Variants in SIAE observed in about 807,000 individuals in gnomAD.
The protein encoded by SIAE is sialic acid acetylesterase, also known as sialate O-acetylesterase.
A neutral mutation model predicts 52.6 loss-of-function variants in SIAE; 39 were observed. The ratio of observed to expected loss-of-function variants is 0.74; its 90% CI spans 0.57 to 0.97. SIAE has a LOEUF of 0.97. SIAE is among the 50% of genes least tolerant of loss of function. The pLI, the probability that SIAE is intolerant of heterozygous loss-of-function variation, is 0.00. For missense variants in SIAE, 592 were observed against 662.1 expected (o/e 0.89, Z 1.16); for synonymous variants, 233 against 241.4 (o/e 0.97, Z 0.32).
rs1290919267 is a variant in SIAE at position 124,654,839 on chromosome 11, T to C, written c.406-46A>G. 3.1e-6 allele frequency: 5 copies of C among 1,609,686 alleles called. No individual in the cohort carries two copies. The Admixed American group carries it at 6.7e-5, about 21-fold the overall frequency. On this transcript the variant is annotated intron_variant, in intron 3 of 9. Transcript: ENST00000263593. ...TCATTTAACCTAGCAGGTGGTGAACTAGCCTGACACCTCTTAGTAAACATC... is the reference window on the plus strand; with the variant it reads ...TCATTTAACCTAGCAGGTGGTGAACCAGCCTGACACCTCTTAGTAAACATC...
chr11:124,636,926 C>CTAAG lies in SIAE; in HGVS notation c.*21_*24dup, dbSNP rs756901697. On this transcript the variant is annotated 3_prime_UTR_variant, in exon 10 of 10. Transcript: ENST00000263593. ...AAATCTGAAGGACCCATCCTTATAT[C>CTAAG]TAAGTTCTGATCATACTGAAACAGT... 3.7e-6 allele frequency: 6 copies of CTAAG among 1,614,000 alleles called. No homozygotes were observed. The Admixed American group carries it at 6.7e-5, about 18-fold the overall frequency.
At chr11:124,674,993 A>C (rs1943441033), upstream of SIAE, 7 of 265,150 alleles carry the variant, frequency 2.6e-5, no homozygotes, top group Admixed American at 3.6e-4. Flanking sequence ...TCATATTGAA[A>C]ATTATGGGTT....
chr11:124,661,554 C>A (rs374043698), intron 2 of SIAE, among the ~76,000 whole-genome samples: 100 of 152,182 alleles, frequency 6.6e-4, no homozygotes, highest in African/African-American at 2.3e-3. Context: ...CTAGAACCAC[C>A]CCATCACCCT....
chr11:124,653,993 A>G (rs1943056718), intron 4 of SIAE, among the ~76,000 whole-genome samples: 1 of 152,124 alleles, frequency 6.6e-6, no homozygotes. Flanking sequence ...CCTGGCCAAT[A>G]TGGTGAAACC....
intron 3 of SIAE, among the ~76,000 whole-genome samples, chr11:124,656,257 T>C (rs1361279301): frequency 6.6e-6 from 1 of 152,238 alleles, no homozygotes; most frequent in African/African-American, 2.4e-5. Flanking sequence ...ATTGCCACTT[T>C]TAATTTTTAT....
Position 124,669,455 on chromosome 11 carries a change from G to A in SIAE, c.134C>T (p.Ala45Val). ...AGGTGTACCGAAGCCCCATATCACT[G>A]CCCCAGCAGGCTCCTTCTGCAGCAC... is the stretch of plus-strand genomic sequence containing the variant. The part of the protein sequence containing the change: ...DMVLQKEPAG[A>V]VIWGFGTPGA... The change falls in exon 2 of 10, where the codon GCA becomes GTA. Residue 45 changes from alanine to valine, a missense_variant. Ala to Val is a moderately conservative substitution (Grantham distance 64). Transcript: ENST00000263593. The A allele has an allele frequency of 1.2e-6, 2 of 1,614,092 alleles. No individual in the cohort carries two copies. Among genetic ancestry groups the A allele is most frequent in the Non-Finnish European group, 1.7e-6 (2 of 1,179,998 alleles).
intron 3 of SIAE, among the ~76,000 whole-genome samples, chr11:124,658,680 G>A (rs1181716770): frequency 6.6e-6 from 1 of 152,088 alleles, no homozygotes; most frequent in Non-Finnish European, 1.5e-5. Flanking sequence ...AACAAGATGG[G>A]CACACAATCT....
In SIAE at chr11:124,633,135, C is replaced by CG. The variant is rs1942649096; in HGVS notation, c.*3815_*3816insC. On this transcript the variant is annotated 3_prime_UTR_variant, in exon 10 of 10. Transcript: ENST00000263593. Reference sequence around the variant, plus strand: ...CAAGGGGATCTTTAACCTCTTTAACCTTTGTATTGCACCTCAGATAATGTG... The same window carrying CG: ...CAAGGGGATCTTTAACCTCTTTAACCGTTTGTATTGCACCTCAGATAATGTG... 1 of 152,024 alleles carries CG rather than the reference C, an allele frequency of 6.6e-6. No individual in the cohort carries two copies. The allele number at this position is 152,024 out of a possible 1,614,324, so 9.4% of individuals were successfully genotyped here. A position where few individuals can be genotyped will look rare whatever the true frequency, so the allele number is the denominator to read the frequency against.
Position 124,639,695 on chromosome 11 carries a change from A to C in SIAE, c.1124+15T>G. 6 of 1,614,000 alleles carry C rather than the reference A, an allele frequency of 3.7e-6. No homozygotes were observed. The highest frequency in any genetic ancestry group is 5.1e-6 in the Non-Finnish European group (6 of 1,179,878). On this transcript the variant is annotated intron_variant, in intron 8 of 9. Coordinates refer to ENST00000263593, the MANE Select transcript of SIAE (RefSeq NM_170601.5). ...AACATACACTGTTCATGCAAAGCCC[A>C]AGAAGCAATCATACCTGCCAAAAGG...
intron 2 of SIAE, among the ~76,000 whole-genome samples, chr11:124,668,699 C>T (rs1407619133): frequency 6.6e-6 from 1 of 152,102 alleles, no homozygotes; most frequent in Non-Finnish European, 1.5e-5. Flanking sequence ...ATTATTCAGC[C>T]GTATAAATGA....
intron 1 of SIAE, among the ~76,000 whole-genome samples, chr11:124,671,867 T>C (rs1185913849): frequency 6.6e-6 from 1 of 151,858 alleles, no homozygotes; most frequent in Non-Finnish European, 1.5e-5. Context: ...GTTCAAGCGG[T>C]TCTCCTGCCT....
rs1402125179 is a variant in SIAE at position 124,645,076 on chromosome 11, G to A, written c.966+2289C>T. Among the ~76,000 whole-genome samples, 1 of 152,058 alleles carries A rather than the reference G, an allele frequency of 6.6e-6. No homozygotes were observed. Among genetic ancestry groups the A allele is most frequent in the African/African-American group, 2.4e-5 (1 of 41,396 alleles). ...AGTTCAGTATCGTGTTCGAAATCAC[G>A]TGGCTCAGGAGGTGTCACAGCTAGC... is the stretch of plus-strand genomic sequence containing the variant. On this transcript the variant is annotated intron_variant, in intron 7 of 9. Coordinates refer to ENST00000263593, the MANE Select transcript of SIAE (RefSeq NM_170601.5). This position sits in a 1 kb window ranked among gnomAD's most constrained non-coding sequence, Gnocchi z 4.7.
chr11:124,664,628 T>C (rs1055278449), intron 2 of SIAE, among the ~76,000 whole-genome samples: 2 of 152,108 alleles, frequency 1.3e-5, no homozygotes, highest in African/African-American at 4.8e-5. Flanking sequence ...CACCTCCCAA[T>C]TAACTCCCAC....
chr11:124,653,932 AC>A (rs1167737031), intron 4 of SIAE, among the ~76,000 whole-genome samples: 1 of 152,180 alleles, frequency 6.6e-6, no homozygotes, highest in Non-Finnish European at 1.5e-5. Flanking sequence ...TAATCCCAGC[AC>A]TTTGGGAGGC....
intron 1 of SIAE, among the ~76,000 whole-genome samples, chr11:124,672,377 T>C (rs1206945476): frequency 6.6e-6 from 1 of 152,182 alleles, no homozygotes; most frequent in African/African-American, 2.4e-5. Flanking sequence ...AGTTCTTAAG[T>C]TGGGTACTGC....
rs1942924552 is a variant in SIAE at position 124,645,874 on chromosome 11, T to A, written c.966+1491A>T. On this transcript the variant is annotated intron_variant, in intron 7 of 9. Coordinates refer to ENST00000263593, the MANE Select transcript of SIAE (RefSeq NM_170601.5). This position sits in a 1 kb window ranked among gnomAD's most constrained non-coding sequence, Gnocchi z 4.7. ...AAGAAAGAAAATAATCATAAAGGCA[T>A]TTTAAGTGAGAAGGTCTATACAAAT... 6.6e-6 allele frequency among the ~76,000 whole-genome samples: 1 copy of A among 152,150 alleles called. No homozygotes were observed. The highest frequency in any genetic ancestry group is 2.4e-5 in the African/African-American group (1 of 41,434).
intron 2 of SIAE, among the ~76,000 whole-genome samples, chr11:124,664,912 C>T: frequency 7.0e-6 from 1 of 143,160 alleles, no homozygotes; most frequent in Non-Finnish European, 1.5e-5. Flanking sequence ...CCTAGTTCCT[C>T]ACTGGCTGCA....
chr11:124,662,931 G>T (rs1189166976), intron 2 of SIAE, among the ~76,000 whole-genome samples: 1 of 151,088 alleles, frequency 6.6e-6, no homozygotes, highest in African/African-American at 2.4e-5. Flanking sequence ...GATCACCTGA[G>T]GTCAGGAGTT....
At chr11:124,665,054 G>C (rs1478658763) in intron 2 of SIAE, among the ~76,000 whole-genome samples, 2 of 152,112 alleles carry the variant, frequency 1.3e-5, no homozygotes, top group Non-Finnish European at 1.5e-5. Flanking sequence ...GAATGCAAAG[G>C]AAAAATAGCT....
Sources: allele counts gnomAD v4.1 joint callset (sites outside exome capture counted in the v4.1 genomes callset), GRCh38; gene constraint gnomAD v4.1.1; non-coding constraint Gnocchi (gnomAD v3.1); transcripts MANE v1.5; gene names NCBI Gene and HGNC (gene_info 2026-07-23, HGNC 2026-07-21).